Variants in ADGRL3 observed in about 807,000 individuals in gnomAD.
The protein encoded by ADGRL3 is calcium-independent alpha-latrotoxin receptor 3.
ADGRL3 carries 62 observed loss-of-function variants against 153.5 expected under a neutral mutation model. The observed-to-expected ratio is 0.40, with a 90% CI of 0.33 to 0.50. ADGRL3 has a LOEUF of 0.50. Ranked by LOEUF, ADGRL3 falls within the 20% of genes least tolerant of loss-of-function variation. The pLI is 0.47. For synonymous variants in ADGRL3, 710 were observed against 672.5 expected (o/e 1.06, Z -0.86); for missense variants, 1,641 against 1,859.4 (o/e 0.88, Z 2.16).
chr4:61,299,125 T>C (rs2094502408), intron 1 of ADGRL3, among the ~76,000 whole-genome samples: 1 of 152,148 alleles, frequency 6.6e-6, no homozygotes, highest in Non-Finnish European at 1.5e-5. Context: ...TTCCCCTCCA[T>C]CTTTCTCTCT....
intron 4 of ADGRL3, among the ~76,000 whole-genome samples, chr4:61,558,525 T>C (rs932366091): frequency 1.3e-5 from 2 of 151,980 alleles, no homozygotes; most frequent in African/African-American, 4.8e-5. Context: ...GCTCTCTCTC[T>C]ACCACTTTTT....
intron 4 of ADGRL3, among the ~76,000 whole-genome samples, chr4:61,554,865 C>G (rs6813075): frequency 0.64 from 97,123 of 152,056 alleles, 32,940 homozygotes; most frequent in East Asian, 0.91. Flanking sequence ...CAAAGAGGGA[C>G]TTAGACCCAG....
At position 62,028,870 on chromosome 4, in the gene ADGRL3, A is replaced by G; in HGVS notation, c.3411A>G (p.Arg1137=). 1 of 1,605,880 alleles carries G rather than the reference A, an allele frequency of 6.2e-7. No individual in the cohort carries two copies. The change falls in exon 22 of 27, where the codon AGA becomes AGG. Residue 1137 remains arginine (R), a synonymous_variant. Transcript: ENST00000683033. ...CLDNINYEDN[R]PFIKSWVIGA... ...CATTCTTTAGCTATGAGGATAACAG[A>G]CCCTTCATCAAGTAAGAATGACCTG... is the stretch of plus-strand genomic sequence containing the variant.
At chr4:61,995,795 C>T (rs781059573) in intron 19 of ADGRL3, among the ~76,000 whole-genome samples, 10 of 152,140 alleles carry the variant, frequency 6.6e-5, no homozygotes, top group Non-Finnish European at 1.3e-4. Context: ...CCAGAAATCT[C>T]AAAGGTTGGC....
At chr4:62,023,816 G>A (rs1354058059) in intron 21 of ADGRL3, among the ~76,000 whole-genome samples, 1 of 152,088 alleles carries the variant, frequency 6.6e-6, no homozygotes, top group African/African-American at 2.4e-5. Flanking sequence ...TATACGCACT[G>A]GGAAATCCCC....
At chr4:62,043,645 C>T (rs1729570664) in intron 24 of ADGRL3, among the ~76,000 whole-genome samples, 1 of 151,998 alleles carries the variant, frequency 6.6e-6, no homozygotes, top group Non-Finnish European at 1.5e-5. Context: ...CTTGGAAAAA[C>T]TTCTGAAAAT....
chr4:61,284,402 C>T (rs1477548564), intron 1 of ADGRL3, among the ~76,000 whole-genome samples: 1 of 151,800 alleles, frequency 6.6e-6, no homozygotes, highest in Non-Finnish European at 1.5e-5. Context: ...GCTTTTAGTG[C>T]TGCTACAAGA....
chr4:61,653,522 A>G (rs1270243463), intron 5 of ADGRL3, among the ~76,000 whole-genome samples: 2 of 152,132 alleles, frequency 1.3e-5, no homozygotes, highest in Admixed American at 6.6e-5. Context: ...TTCTCTTTTA[A>G]TGGAAAAGTC....
chr4:62,064,957 AGGG>A lies in ADGRL3; in HGVS notation c.3815-3208_3815-3206del, dbSNP rs1362681018. On this transcript the variant is annotated intron_variant, in intron 25 of 26. Coordinates refer to ENST00000683033, the MANE Select transcript of ADGRL3 (RefSeq NM_001387552.1). ...CTCACTTTGAATTTAAAATTTCTTAAGGGATATATGTCTTTAGAATTAGACGGC... is the reference window on the plus strand; with the variant it reads ...CTCACTTTGAATTTAAAATTTCTTAAATATATGTCTTTAGAATTAGACGGC... Among the ~76,000 whole-genome samples the A allele has an allele frequency of 2.6e-5, 4 of 152,192 alleles. No homozygotes were observed. The East Asian group carries it at 7.7e-4, about 29-fold the overall frequency.
intron 5 of ADGRL3, among the ~76,000 whole-genome samples, chr4:61,646,646 A>T (rs922640753): frequency 6.6e-6 from 1 of 152,052 alleles, no homozygotes; most frequent in Non-Finnish European, 1.5e-5. Flanking sequence ...TCAGATCTCC[A>T]GCTGCGTGCT....
chr4:61,434,403 A>G (rs1038243411), intron 2 of ADGRL3, among the ~76,000 whole-genome samples: 6 of 152,084 alleles, frequency 3.9e-5, no homozygotes, highest in Admixed American at 1.3e-4. Context: ...GACTCACACT[A>G]TGGATATGCA....
intron 5 of ADGRL3, among the ~76,000 whole-genome samples, chr4:61,664,196 G>C (rs568873483): frequency 6.6e-6 from 1 of 152,032 alleles, no homozygotes; most frequent in South Asian, 2.1e-4. Context: ...GAAACTATTG[G>C]GAAATATTAC....
chr4:61,263,337 G>C (rs1435932023), intron 1 of ADGRL3, among the ~76,000 whole-genome samples: 1 of 151,124 alleles, frequency 6.6e-6, no homozygotes, highest in South Asian at 2.1e-4. Context: ...ATTCACTTTG[G>C]CATTCAAAAA....
intron 19 of ADGRL3, among the ~76,000 whole-genome samples, chr4:61,988,531 A>G (rs957020017): frequency 6.6e-6 from 1 of 152,198 alleles, no homozygotes; most frequent in Non-Finnish European, 1.5e-5. Flanking sequence ...TAGTAATTCA[A>G]TCAGGAAACA....
chr4:61,245,570 G>A (rs1756732211), intron 1 of ADGRL3, among the ~76,000 whole-genome samples: 1 of 152,116 alleles, frequency 6.6e-6, no homozygotes, highest in Admixed American at 6.6e-5. Context: ...ATTACTGGAG[G>A]CCATGTCCTT....
intron 2 of ADGRL3, among the ~76,000 whole-genome samples, chr4:61,485,618 T>A (rs2098182396): frequency 6.6e-6 from 1 of 152,290 alleles, no homozygotes; most frequent in Middle Eastern, 3.4e-3. Flanking sequence ...TCCCCTGCAT[T>A]CCTTTTTGTC....
At chr4:61,884,122 A>G (rs2098523759) in intron 9 of ADGRL3, among the ~76,000 whole-genome samples, 1 of 152,226 alleles carries the variant, frequency 6.6e-6, no homozygotes. Flanking sequence ...ATAAATATGG[A>G]TGGAATAAAT....
At chr4:61,948,436 G>T (rs1394186739) in intron 17 of ADGRL3, among the ~76,000 whole-genome samples, 160 bp downstream of exon 17, 1 of 152,162 alleles carries the variant, frequency 6.6e-6, no homozygotes, top group Non-Finnish European at 1.5e-5. Context: ...CCTTGTGGAT[G>T]ATTCAAAGAA....
At chr4:61,267,328 A>G (rs1000501116) in intron 1 of ADGRL3, among the ~76,000 whole-genome samples, 4 of 151,736 alleles carry the variant, frequency 2.6e-5, no homozygotes, top group African/African-American at 9.7e-5. Flanking sequence ...CCTAAGAAGG[A>G]TTCATGTGTG....
Sources: allele counts gnomAD v4.1 joint callset (sites outside exome capture counted in the v4.1 genomes callset), GRCh38; gene constraint gnomAD v4.1.1; transcripts MANE v1.5; gene names NCBI Gene and HGNC (gene_info 2026-07-23, HGNC 2026-07-21).